Variants in BAHD1 observed in about 807,000 individuals in gnomAD.
BAHD1 encodes bromo adjacent homology domain containing 1, also known as bromo adjacent homology domain-containing 1 protein.
Under a neutral mutation model 63.1 loss-of-function variants are expected in BAHD1, and 20 were observed. The ratio of observed to expected loss-of-function variants is 0.32; its 90% confidence interval spans 0.22 to 0.46. The LOEUF (loss-of-function observed/expected upper bound fraction) is 0.46, where lower values mean the gene tolerates loss of function less well. Among genes scored for constraint, BAHD1 ranks in the 20% least tolerant of loss-of-function variants. BAHD1 has a pLI of 1.00. For synonymous variants in BAHD1, 408 were observed against 426.8 expected (o/e 0.96, Z 0.54); for missense variants, 939 against 1,071.8 (o/e 0.88, Z 1.73).
At chr15:40,456,639 G>A (rs1392415704) in intron 1 of BAHD1, among the ~76,000 whole-genome samples, 1 of 152,214 alleles carries the variant, frequency 6.6e-6, no homozygotes. Flanking sequence ...CCACCCACTG[G>A]CCCAAGGCCA....
chr15:40,444,260 T>C (rs917307821), intron 1 of BAHD1, among the ~76,000 whole-genome samples: 3 of 152,212 alleles, frequency 2.0e-5, no homozygotes, highest in Non-Finnish European at 4.4e-5. Context: ...AATGCTCATA[T>C]TGGAGTCCTT....
At chr15:40,438,327 T>C (rs915558120), upstream of BAHD1, among the ~76,000 whole-genome samples, 1 of 152,098 alleles carries the variant, frequency 6.6e-6, no homozygotes, top group African/African-American at 2.4e-5. Flanking sequence ...GGCCAAAAGT[T>C]CCCTTTGGGG....
chr15:40,458,452 T>G lies in BAHD1; in HGVS notation c.-13T>G. ...CATTGCCCACCTTCTGTCCTGCAGG[T>G]TGGAAGTACTCCATGACACACACTC... On this transcript the variant is annotated splice_region_variant and 5_prime_UTR_variant, in exon 2 of 7. Transcript: ENST00000416165. This position sits in a 1 kb window ranked among gnomAD's most constrained non-coding sequence, Gnocchi z 4.7. The G allele has an allele frequency of 6.4e-7, 1 of 1,554,534 alleles. No homozygotes were observed. Among genetic ancestry groups the G allele is most frequent in the Non-Finnish European group, 8.7e-7 (1 of 1,147,092 alleles).
At chr15:40,437,933 C>T (rs147258213), upstream of BAHD1, among the ~76,000 whole-genome samples, 99 of 152,312 alleles carry the variant, frequency 6.5e-4, no homozygotes, top group Middle Eastern at 0.02. Context: ...TACTCTAGGG[C>T]ATCTCCCTCT....
chr15:40,442,642 G>A (rs1207732867), intron 1 of BAHD1, among the ~76,000 whole-genome samples: 1 of 152,062 alleles, frequency 6.6e-6, no homozygotes, highest in East Asian at 1.9e-4. Context: ...TAGGACAAGA[G>A]ACACCCCACC....
intron 1 of BAHD1, among the ~76,000 whole-genome samples, chr15:40,456,346 C>G (rs568749987): frequency 1.3e-5 from 2 of 152,176 alleles, no homozygotes; most frequent in Non-Finnish European, 1.5e-5. Flanking sequence ...AAGAGACTTA[C>G]GGAGCCTAGC....
chr15:40,453,965 C>G (rs1197490367), intron 1 of BAHD1: 1 of 152,336 alleles, frequency 6.6e-6, no homozygotes, highest in Non-Finnish European at 1.5e-5. Context: ...AAAGCAAGAC[C>G]CTGTCTCAGA....
At chr15:40,461,766 C>A in intron 2 of BAHD1, 146 bp from the exon 3 acceptor site, 1 of 922,462 alleles carries the variant, frequency 1.1e-6, no homozygotes, top group Non-Finnish European at 1.6e-6. Flanking sequence ...CTCTGACAGT[C>A]CACCATAAAA....
chr15:40,446,483 A>G (rs571380888), intron 1 of BAHD1, among the ~76,000 whole-genome samples: 30 of 152,290 alleles, frequency 2.0e-4, no homozygotes, highest in African/African-American at 6.3e-4. Flanking sequence ...AGTGGGAAAC[A>G]CCTGCAAGGA....
intron 1 of BAHD1, among the ~76,000 whole-genome samples, chr15:40,455,445 C>G (rs1893820811): frequency 6.6e-6 from 1 of 152,168 alleles, no homozygotes; most frequent in South Asian, 2.1e-4. Context: ...TGACTCCCTT[C>G]CCACCTCTCT....
At chr15:40,465,584 A>G (rs968690694) in intron 6 of BAHD1, 149 bp downstream of exon 6, 4 of 681,936 alleles carry the variant, frequency 5.9e-6, no homozygotes, top group Admixed American at 5.5e-5. Context: ...TTACTTCCCT[A>G]TTGCTTGCCT....
upstream of BAHD1, chr15:40,439,956 G>A (rs1464368513): frequency 6.6e-6 from 1 of 152,268 alleles, no homozygotes; most frequent in Non-Finnish European, 1.5e-5. Context: ...GGTGACTAGG[G>A]GGAAGCCAGG....
chr15:40,446,040 G>A (rs1186435126), intron 1 of BAHD1, among the ~76,000 whole-genome samples: 3 of 152,218 alleles, frequency 2.0e-5, no homozygotes, highest in Admixed American at 2.0e-4. Context: ...CCTGGGGTCT[G>A]GAGATGGTGT....
chr15:40,444,152 A>G (rs987398322), intron 1 of BAHD1, among the ~76,000 whole-genome samples: 1 of 152,130 alleles, frequency 6.6e-6, no homozygotes, highest in Non-Finnish European at 1.5e-5. Flanking sequence ...TATTTCTTGT[A>G]CAGTGCTGTG....
At position 40,441,044 on chromosome 15, in the gene BAHD1, C is replaced by T. The variant is rs929089371; in HGVS notation, c.-239C>T. 1.6e-4 allele frequency among the ~76,000 whole-genome samples: 23 copies of T among 146,408 alleles called. No homozygotes were observed. The highest frequency in any genetic ancestry group is 5.4e-4 in the African/African-American group (22 of 40,790). On this transcript the variant is annotated 5_prime_UTR_variant, in exon 1 of 7. Coordinates refer to ENST00000416165, the MANE Select transcript of BAHD1 (RefSeq NM_014952.5). ...CGGCTGCCTGCCCCGCCCGTCCGGC[C>T]CCCGCCGTCCGCCCGCCCCGGCCAG...
chr15:40,442,687 C>G (rs750867970), intron 1 of BAHD1, among the ~76,000 whole-genome samples: 6 of 152,160 alleles, frequency 3.9e-5, no homozygotes, highest in Non-Finnish European at 7.4e-5. Context: ...CAGCTGCCTC[C>G]AGCACTTTTC....
upstream of BAHD1, among the ~76,000 whole-genome samples, chr15:40,438,754 C>A (rs1893326768): frequency 1.3e-5 from 2 of 152,194 alleles, no homozygotes; most frequent in Admixed American, 6.5e-5. Context: ...TGAACGTGGG[C>A]TTCCTGCCAC....
intron 1 of BAHD1, among the ~76,000 whole-genome samples, chr15:40,448,255 A>G (rs1050220863): frequency 5.9e-5 from 9 of 152,002 alleles, no homozygotes; most frequent in Non-Finnish European, 1.2e-4. Flanking sequence ...AAAAAAAAAA[A>G]GTTTCTTTCA....
intron 4 of BAHD1, 97 bp from the exon 5 acceptor site, chr15:40,464,374 G>A: frequency 9.4e-7 from 1 of 1,059,300 alleles, no homozygotes; most frequent in Non-Finnish European, 1.4e-6. Flanking sequence ...GCAGGATTGA[G>A]GTTGGATGAA....
Sources: gnomAD v4.1 joint callset for allele counts (sites outside exome capture counted in the v4.1 genomes callset) on GRCh38, gnomAD v4.1.1 for gene constraint, Gnocchi (gnomAD v3.1) non-coding constraint, MANE v1.5 for transcripts, NCBI Gene and HGNC (gene_info 2026-07-23, HGNC 2026-07-21) for gene names.